PFKP: variants seen among roughly 807,000 people sequenced by gnomAD.
The protein encoded by PFKP is phosphofructokinase, platelet, also known as ATP-dependent 6-phosphofructokinase, platelet type.
A neutral mutation model predicts 94.3 loss-of-function variants in PFKP; 101 were observed. The ratio of observed to expected loss-of-function variants is 1.07; its 90% CI spans 0.91 to 1.26. The LOEUF is 1.26. Among genes scored for constraint, PFKP ranks in the 50% most tolerant of loss-of-function variants. The probability of loss-of-function intolerance (pLI) is 0.00; values close to 1 mark genes in which losing one functional copy is unlikely to be tolerated. For synonymous variants in PFKP, 573 were observed against 432.6 expected (o/e 1.32, Z -4.03); for missense variants, 1,145 against 1,103.3 (o/e 1.04, Z -0.53).
chr10:3,093,540 T>A (rs1301071507), intron 2 of PFKP, among the ~76,000 whole-genome samples: 1 of 151,892 alleles, frequency 6.6e-6, no homozygotes, highest in South Asian at 2.1e-4. Context: ...CCAGTTGAGG[T>A]GGCCTGGTTC....
At chr10:3,126,331 T>G (rs1837940205) in intron 16 of PFKP, among the ~76,000 whole-genome samples, 1 of 152,198 alleles carries the variant, frequency 6.6e-6, no homozygotes. Flanking sequence ...GCTGTGGTGG[T>G]CTTGCAGAGG....
intron 10 of PFKP, among the ~76,000 whole-genome samples, chr10:3,110,077 CCTT>C (rs1836024204): frequency 6.6e-6 from 1 of 152,174 alleles, no homozygotes; most frequent in African/African-American, 2.4e-5. Context: ...ATACACCCAC[CCTT>C]CTTGGGCCAG....
At chr10:3,113,608 A>G in intron 13 of PFKP, 90 bp downstream of exon 13, 2 of 1,056,854 alleles carry the variant, frequency 1.9e-6, no homozygotes, top group South Asian at 3.0e-5. Flanking sequence ...CATGGCCCTC[A>G]TACCTTTTCA....
At chr10:3,120,477 C>T (rs9423466) in intron 16 of PFKP, among the ~76,000 whole-genome samples, 104,275 of 151,850 alleles carry the variant, frequency 0.69, 35,993 homozygotes, top group South Asian at 0.75. Context: ...AGAAATTGAA[C>T]TGAATATTTT....
At chr10:3,101,277 AC>A in intron 3 of PFKP, 87 bp from the exon 4 acceptor site, 2 of 1,068,132 alleles carry the variant, frequency 1.9e-6, no homozygotes, top group Non-Finnish European at 2.7e-6. Flanking sequence ...AAATTCTAGC[AC>A]CCCATGTTTA....
At position 3,124,806 on chromosome 10, in the gene PFKP, G is replaced by A. The variant is rs117613289; in HGVS notation, c.1683+4762G>A. Among the ~76,000 whole-genome samples the A allele has an allele frequency of 1.3e-3, 192 of 151,782 alleles. 2 individuals carry two copies. The East Asian group carries it at 0.032, about 25-fold the overall frequency. Reference sequence around the variant, plus strand: ...GAGCTGTCCCACTCGTGACTAACTCGCCGTTGCCTGCAACCTGCTCCGTTG... The same window carrying A: ...GAGCTGTCCCACTCGTGACTAACTCACCGTTGCCTGCAACCTGCTCCGTTG... On this transcript the variant is annotated intron_variant, in intron 16 of 21. Transcript: ENST00000381125.
chr10:3,086,257 A>G (rs1244206474), intron 2 of PFKP, among the ~76,000 whole-genome samples: 9 of 152,162 alleles, frequency 5.9e-5, no homozygotes, highest in African/African-American at 1.9e-4. Context: ...AGTGGAAGTT[A>G]GTTCCCTCAC....
intron 4 of PFKP, among the ~76,000 whole-genome samples, chr10:3,103,334 G>A (rs1381100064): frequency 2.6e-5 from 4 of 152,142 alleles, no homozygotes; most frequent in East Asian, 1.9e-4. Context: ...TGCAGAATCC[G>A]GTTGCCTTGA....
rs762929930 is a variant in PFKP, at chr10:3,082,473, C to T, written c.186+12C>T. 3.8e-6 allele frequency: 6 copies of T among 1,589,474 alleles called. No individual in the cohort carries two copies. Among genetic ancestry groups the T allele is most frequent in the Non-Finnish European group, 5.2e-6 (6 of 1,163,056 alleles). On this transcript the variant is annotated intron_variant, in intron 2 of 21. Coordinates refer to ENST00000381125, the MANE Select transcript of PFKP (RefSeq NM_002627.5). ...ACTTCATCTACGAGGTCAGTGTCTG[C>T]CCCTCACCCCCTGTCGCCCTTCTTC...
intron 2 of PFKP, among the ~76,000 whole-genome samples, chr10:3,093,636 A>ATTTTTT (rs1834231027): frequency 1.0e-5 from 1 of 98,778 alleles, no homozygotes; most frequent in African/African-American, 4.3e-5. Flanking sequence ...AACAAGCATT[A>ATTTTTT]TCTTTTTTTT....
chr10:3,082,628 C>T lies in PFKP; in HGVS notation c.186+167C>T, dbSNP rs542125940. 5.3e-5 allele frequency among the ~76,000 whole-genome samples: 8 copies of T among 152,320 alleles called. 1 individual carries two copies. Among genetic ancestry groups the T allele is most frequent in the Admixed American group, 3.3e-4 (5 of 15,308 alleles). On this transcript the variant is annotated intron_variant, in intron 2 of 21. Coordinates refer to ENST00000381125, the MANE Select transcript of PFKP (RefSeq NM_002627.5). Reference sequence around the variant, plus strand: ...GGCCGTTCCTCAGCCCACAGAAGCCCCTGGTCTGCAGGGACAGATGCCTGG... The same window carrying T: ...GGCCGTTCCTCAGCCCACAGAAGCCTCTGGTCTGCAGGGACAGATGCCTGG...
At chr10:3,111,666 C>T (rs1308582474) in intron 10 of PFKP, among the ~76,000 whole-genome samples, 1 of 152,006 alleles carries the variant, frequency 6.6e-6, no homozygotes, top group Non-Finnish European at 1.5e-5. Flanking sequence ...AATTGAAGTT[C>T]AGAGCGAGAA....
chr10:3,114,194 A>T (rs201066661), intron 13 of PFKP, among the ~76,000 whole-genome samples: 1 of 150,650 alleles, frequency 6.6e-6, no homozygotes, highest in East Asian at 1.9e-4. Flanking sequence ...CTGTTGCCCA[A>T]ACTGGAGTGC....
chr10:3,114,102 CT>C, intron 13 of PFKP, among the ~76,000 whole-genome samples: 1 of 152,032 alleles, frequency 6.6e-6, no homozygotes, highest in Non-Finnish European at 1.5e-5. Context: ...AGGGGCTGAA[CT>C]TGTGGCTATT....
At chr10:3,123,339 T>TG (rs1837612596) in intron 16 of PFKP, among the ~76,000 whole-genome samples, 1 of 152,260 alleles carries the variant, frequency 6.6e-6, no homozygotes, top group African/African-American at 2.4e-5. Flanking sequence ...ATTCACAGCC[T>TG]GGCTGCGCTT....
At position 3,079,466 on chromosome 10, in the gene PFKP, C is replaced by T. The variant is rs544189451; in HGVS notation, c.113-2922C>T. On this transcript the variant is annotated intron_variant, in intron 1 of 21. Coordinates refer to ENST00000381125, the MANE Select transcript of PFKP (RefSeq NM_002627.5). ...AGCCAGGATGGTCTCGATCTCCTGA[C>T]CTCGTGATCTGCCCACCTAGGCCTC... is the stretch of plus-strand genomic sequence containing the variant. 1.0e-3 allele frequency among the ~76,000 whole-genome samples: 159 copies of T among 152,172 alleles called. 2 individuals carry two copies. In the South Asian group the frequency reaches 0.016, roughly 16 times the overall value.
chr10:3,094,248 G>T (rs1834307415), intron 2 of PFKP, among the ~76,000 whole-genome samples: 2 of 152,190 alleles, frequency 1.3e-5, no homozygotes, highest in Admixed American at 6.5e-5. Context: ...GGGGCTGTTG[G>T]TTGTACAACT....
At chr10:3,087,251 A>G (rs1833675034) in intron 2 of PFKP, among the ~76,000 whole-genome samples, 2 of 146,434 alleles carry the variant, frequency 1.4e-5, no homozygotes, top group African/African-American at 5.1e-5. Context: ...GAGGCACCTC[A>G]CCTGGCTCAG....
Position 3,118,842 on chromosome 10 carries a change from C to T in PFKP, c.1503C>T (p.Asn501=), listed in dbSNP as rs370592480. ...CACAGATGCGCACGCACAGCATCAA[C>T]GCGCTGCTGATCATCGGTGGATTCG... The part of the protein sequence containing the change: ...IATQMRTHSI[N]ALLIIGGFEA... The change falls in exon 15 of 22, where the codon AAC becomes AAT. Residue 501 remains asparagine, a synonymous_variant. Transcript: ENST00000381125. 40 of 1,613,426 alleles carry T rather than the reference C, an allele frequency of 2.5e-5. No homozygotes were observed. The highest frequency in any genetic ancestry group is 8.3e-5 in the Admixed American group (5 of 59,964).
Sources: allele counts gnomAD v4.1 joint callset (sites outside exome capture counted in the v4.1 genomes callset), GRCh38; gene constraint gnomAD v4.1.1; transcripts MANE v1.5; gene names NCBI Gene and HGNC (gene_info 2026-07-23, HGNC 2026-07-21).